Variants in CENPE observed in about 807,000 individuals in gnomAD.
The protein encoded by CENPE is centromere protein E.
In CENPE, 145 loss-of-function variants were observed where a neutral mutation model predicts 336.1. The ratio of observed to expected loss-of-function variants is 0.43; its 90% CI spans 0.38 to 0.50. CENPE has a LOEUF of 0.50. Among genes scored for constraint, CENPE ranks in the 20% least tolerant of loss-of-function variants. The probability of loss-of-function intolerance (pLI) is 0.00; values close to 1 mark genes in which losing one functional copy is unlikely to be tolerated. For missense variants in CENPE, 2,719 were observed against 3,023.3 expected (o/e 0.90, Z 2.36); for synonymous variants, 1,013 against 984.8 (o/e 1.03, Z -0.54).
chr4:103,108,371 T>C (rs1749082750), intron 48 of CENPE, among the ~76,000 whole-genome samples: 1 of 152,114 alleles, frequency 6.6e-6, no homozygotes, highest in Non-Finnish European at 1.5e-5. Flanking sequence ...TAACACATAG[T>C]AGGGGCTCAA....
At chr4:103,195,067 C>T (rs900850955) in intron 5 of CENPE, 47 bp downstream of exon 5, 1 of 1,486,138 alleles carries the variant, frequency 6.7e-7, no homozygotes, top group Admixed American at 2.5e-5. Flanking sequence ...GAACAATAAT[C>T]TCAATAAGTC....
intron 14 of CENPE, 134 bp downstream of exon 14, chr4:103,176,765 G>A (rs1489329830): frequency 1.7e-6 from 1 of 604,620 alleles, no homozygotes; most frequent in Non-Finnish European, 2.5e-6. Flanking sequence ...TTAAATCATA[G>A]TCTCCATTGT....
intron 47 of CENPE, 68 bp from the exon 48 acceptor site, chr4:103,109,157 A>T (rs1279125070): frequency 2.5e-6 from 3 of 1,192,540 alleles, no homozygotes; most frequent in Non-Finnish European, 3.4e-6. Context: ...TCACATTTAT[A>T]TTTAAAAATT....
chr4:103,152,051 CCCTAAACATAGAAAA>C (rs1753612276), intron 25 of CENPE, among the ~76,000 whole-genome samples: 1 of 151,942 alleles, frequency 6.6e-6, no homozygotes, highest in Admixed American at 6.6e-5. Flanking sequence ...ATTGTATCAC[CCCTAAACATAGAAAA>C]CCTAAGTGTG....
chr4:103,136,112 T>A, intron 40 of CENPE, 29 bp downstream of exon 40: 1 of 1,551,072 alleles, frequency 6.4e-7, no homozygotes, highest in Non-Finnish European at 8.8e-7. Context: ...CTGAAATATT[T>A]AAAAGGATAT....
chr4:103,159,195 C>G lies in CENPE; in HGVS notation c.2416G>C (p.Ala806Pro). 1 of 1,612,750 alleles carries G rather than the reference C, an allele frequency of 6.2e-7. No individual in the cohort carries two copies. Among genetic ancestry groups the G allele is most frequent in the Non-Finnish European group, 8.5e-7 (1 of 1,179,192 alleles). ...EEIGKTKDDLATTQSNYKSTD... is the reference protein window; with the variant it reads ...EEIGKTKDDLPTTQSNYKSTD... ...CTTTTATAATTCGACTGTGTAGTTG[C>G]TAGGTCATCTTTTGTTTTCCCAATT... The change falls in exon 22 of 49, where the codon GCA becomes CCA. Residue 806 changes from alanine (A) to proline (P), a missense_variant. By Grantham distance (27) the Ala-to-Pro change is conservative (BLOSUM62 -1). Transcript: ENST00000265148.
chr4:103,119,165 C>A (rs1359208771), intron 44 of CENPE, among the ~76,000 whole-genome samples: 1 of 152,004 alleles, frequency 6.6e-6, no homozygotes, highest in Non-Finnish European at 1.5e-5. Context: ...ATATAATATA[C>A]CTCTTAATAT....
At chr4:103,172,167 A>C (rs1336751181) in intron 16 of CENPE, among the ~76,000 whole-genome samples, 1 of 152,052 alleles carries the variant, frequency 6.6e-6, no homozygotes, top group Non-Finnish European at 1.5e-5. Flanking sequence ...GGAAAACTAT[A>C]GGCCAATATC....
rs984376335 is a variant in CENPE at position 103,160,708 on chromosome 4, C to T, written c.2203G>A (p.Glu735Lys). 5 of 1,610,002 alleles carry T rather than the reference C, an allele frequency of 3.1e-6. No homozygotes were observed. In the Admixed American group the frequency reaches 6.7e-5, roughly 22 times the overall value. Residue 735 changes from glutamate to lysine, a missense_variant, in exon 21 of 49, where the codon GAA (glutamate) becomes AAA (lysine). By Grantham distance (56) the Glu-to-Lys change is moderately conservative. Transcript: ENST00000265148. ...LQKELNKEVEENEALREEVIL... is the reference protein window; with the variant it reads ...LQKELNKEVEKNEALREEVIL... The stretch of plus-strand genomic sequence containing the variant: ...ACTTCTTCCCGCAAAGCTTCATTTT[C>T]TTCAACTTCTTTATTTAGTTCTTTC...
At position 103,195,830 on chromosome 4, in the gene CENPE, T is replaced by C. The variant is rs910929163; in HGVS notation, c.357+90A>G. ...AACAATAACTGTAAATCTACTTCCT[T>C]TCATCTTTACAAGAGAAATACACTA... On this transcript the variant is annotated intron_variant, in intron 4 of 48. Transcript: ENST00000265148. 19 of 811,244 alleles carry C rather than the reference T, an allele frequency of 2.3e-5. No individual in the cohort carries two copies. The African/African-American group carries it at 2.9e-4, about 12-fold the overall frequency. The allele number at this position is 811,244 out of a possible 1,614,324, so 50.3% of individuals were successfully genotyped here.
chr4:103,111,857 C>T (rs1277031079), intron 46 of CENPE, among the ~76,000 whole-genome samples: 1 of 151,992 alleles, frequency 6.6e-6, no homozygotes, highest in East Asian at 1.9e-4. Context: ...TTAGCACCAT[C>T]TATTTTTGGA....
intron 39 of CENPE, 35 bp from the exon 40 acceptor site, chr4:103,136,394 A>G (rs771433057): frequency 7.2e-7 from 1 of 1,389,212 alleles, no homozygotes; most frequent in Non-Finnish European, 1.0e-6. Context: ...ATTTATAACA[A>G]TTCATTCTAA....
chr4:103,168,540 T>C (rs964956837), intron 16 of CENPE, among the ~76,000 whole-genome samples: 1 of 152,190 alleles, frequency 6.6e-6, no homozygotes, highest in African/African-American at 2.4e-5. Flanking sequence ...CTTACCAACA[T>C]TGGTTCCATA....
In CENPE at chr4:103,136,257, T is replaced by A. The variant is rs748913591; in HGVS notation, c.6406A>T (p.Met2136Leu). 3.1e-6 allele frequency: 5 copies of A among 1,613,532 alleles called. No homozygotes were observed. In the South Asian group the frequency reaches 4.4e-5, roughly 14 times the overall value. The change falls in exon 40 of 49, where the codon ATG (methionine) becomes TTG (leucine). Residue 2136 changes from methionine (M) to leucine (L), a missense_variant. By Grantham distance (15) the Met-to-Leu change is conservative. This residue lies in a region of CENPE where 2,437 missense variants were observed against 2,513.3 expected (regional missense o/e 0.97). Transcript: ENST00000265148. Reference protein sequence around the residue: ...KEIEFQKELSMRVKANLSLPY... With the variant: ...KEIEFQKELSLRVKANLSLPY... Reference sequence around the variant, plus strand: ...AGTGAGAGGTTTGCTTTAACTCTCATTGAAAGCTCTTTTTGGAATTCAATT... The same window carrying A: ...AGTGAGAGGTTTGCTTTAACTCTCAATGAAAGCTCTTTTTGGAATTCAATT...
intron 42 of CENPE, among the ~76,000 whole-genome samples, chr4:103,128,545 C>T (rs1442332048): frequency 1.3e-5 from 2 of 152,090 alleles, no homozygotes; most frequent in Admixed American, 1.3e-4. Flanking sequence ...GCTCTCAGAC[C>T]ACAATGGAAT....
intron 44 of CENPE, among the ~76,000 whole-genome samples, chr4:103,117,206 T>C (rs184383215): frequency 1.3e-5 from 2 of 152,322 alleles, no homozygotes; most frequent in East Asian, 3.9e-4. Flanking sequence ...GAATGGAAAA[T>C]ACTGGGAGTT....
chr4:103,147,255 T>C (rs1369926237), intron 29 of CENPE, 101 bp downstream of exon 29: 3 of 1,063,184 alleles, frequency 2.8e-6, no homozygotes, highest in Non-Finnish European at 4.1e-6. Context: ...TTAAAAAAAC[T>C]GGTAACATAA....
Position 103,144,576 on chromosome 4 carries a change from T to C in CENPE, c.4900A>G (p.Thr1634Ala). The C allele has an allele frequency of 1.2e-6, 2 of 1,612,068 alleles. No homozygotes were observed. Among genetic ancestry groups the C allele is most frequent in the Non-Finnish European group, 1.7e-6 (2 of 1,179,082 alleles). ...TTCTCCTGAGTCTCATTGACAGCTG[T>C]CATCTTAAGAAACTGATATTCTTTT... ...QEKEYQFLKMTAVNETQEKMC... is the reference protein window; with the variant it reads ...QEKEYQFLKMAAVNETQEKMC... The change falls in exon 33 of 49, where the codon ACA becomes GCA. Residue 1634 changes from threonine to alanine, a missense_variant. Around this residue, in one of 5 missense-constraint regions of CENPE, gnomAD observed 2,437 missense variants for 2,513.3 expected, o/e 0.97. Coordinates refer to ENST00000265148, the MANE Select transcript of CENPE (RefSeq NM_001813.3).
At position 103,147,471 on chromosome 4, in the gene CENPE, C is replaced by T; in HGVS notation, c.4019G>A (p.Ser1340Asn). 1.9e-6 allele frequency: 3 copies of T among 1,614,046 alleles called. No individual in the cohort carries two copies. The South Asian group carries it at 3.3e-5, about 18-fold the overall frequency. ...GGTTAGAGATTTTATCTCTTCCTGA[C>T]TTTCTTGAAATTTTTCATTCAACCT... ...RLRLNEKFQE[S>N]QEEIKSLTKE... Residue 1340 changes from serine (S) to asparagine (N), a missense_variant, in exon 29 of 49, where the codon AGT becomes AAT. This residue lies in a region of CENPE where 2,437 missense variants were observed against 2,513.3 expected (regional missense o/e 0.97). Coordinates refer to ENST00000265148, the MANE Select transcript of CENPE (RefSeq NM_001813.3).
Sources: gnomAD v4.1 joint callset for allele counts (sites outside exome capture counted in the v4.1 genomes callset) on GRCh38, gnomAD v4.1.1 for gene constraint, gnomAD v4.1.1 regional missense constraint, MANE v1.5 for transcripts, NCBI Gene and HGNC (gene_info 2026-07-23, HGNC 2026-07-21) for gene names.